PPP4R4: variants seen among roughly 807,000 people sequenced by gnomAD.
The protein encoded by PPP4R4 is serine/threonine-protein phosphatase 4 regulatory subunit 4.
In PPP4R4, 70 loss-of-function variants were observed where a neutral mutation model predicts 121.8. The ratio of observed to expected loss-of-function variants is 0.57; its 90% CI spans 0.47 to 0.70. The LOEUF (loss-of-function observed/expected upper bound fraction) is 0.70. Ranked by LOEUF, PPP4R4 falls within the 30% of genes least tolerant of loss-of-function variation. PPP4R4 has a pLI of 0.00. For synonymous variants in PPP4R4, 348 were observed against 355.7 expected, an observed-to-expected ratio of 0.98 and a Z score of 0.24; for missense variants, 875 against 1,033.6, an observed-to-expected ratio of 0.85 and a Z score of 2.10.
At chr14:94,252,044 G>T in intron 16 of PPP4R4, 148 bp downstream of exon 16, 1 of 624,468 alleles carries the variant, frequency 1.6e-6, no homozygotes, top group Admixed American at 3.7e-5. Context: ...ATAATTGATG[G>T]GCATCAGTAA....
chr14:94,252,230 A>G (rs557269449), intron 16 of PPP4R4, among the ~76,000 whole-genome samples: 2 of 152,290 alleles, frequency 1.3e-5, no homozygotes, highest in East Asian at 1.9e-4. Flanking sequence ...TAAAGAAAAG[A>G]CGGTCAGTAG....
intron 16 of PPP4R4, among the ~76,000 whole-genome samples, chr14:94,254,163 C>T (rs1893338756): frequency 6.6e-6 from 1 of 152,114 alleles, no homozygotes; most frequent in South Asian, 2.1e-4. Context: ...CTCATGGGCC[C>T]AGGAGTCTCA....
chr14:94,203,549 A>G (rs1250183091), intron 2 of PPP4R4, among the ~76,000 whole-genome samples: 2 of 152,134 alleles, frequency 1.3e-5, no homozygotes, highest in Non-Finnish European at 2.9e-5. Context: ...GTGAACAGAA[A>G]TTTTTATTTC....
rs142553082 is a variant in PPP4R4 at position 94,203,038 on chromosome 14, A to T, written c.192-5426A>T. Among the ~76,000 whole-genome samples the T allele has an allele frequency of 1.5e-3, 223 of 152,332 alleles. 1 individual carries two copies. Among genetic ancestry groups the T allele is most frequent in the African/African-American group, 5.2e-3 (216 of 41,576 alleles). The stretch of plus-strand genomic sequence containing the variant: ...AACTATAGATTCACATACAGTTGTA[A>T]GAAATAATACAGAAATACCCATGTT... On this transcript the variant is annotated intron_variant, in intron 2 of 24. Transcript: ENST00000304338.
chr14:94,244,539 G>A (rs1434626942), intron 11 of PPP4R4, 96 bp from the exon 12 acceptor site: 1 of 1,004,530 alleles, frequency 1.0e-6, no homozygotes, highest in Admixed American at 3.4e-5. Context: ...TATTTTAGAA[G>A]AAATATATAA....
At chr14:94,272,529 A>G (rs1188523450) in intron 23 of PPP4R4, among the ~76,000 whole-genome samples, 1 of 152,196 alleles carries the variant, frequency 6.6e-6, no homozygotes, top group Non-Finnish European at 1.5e-5. Context: ...TTCTAAATGT[A>G]AAATGCAAAA....
At chr14:94,244,514 G>A in intron 11 of PPP4R4, 121 bp from the exon 12 acceptor site, 3 of 804,594 alleles carry the variant, frequency 3.7e-6, no homozygotes, top group Non-Finnish European at 5.3e-6. Flanking sequence ...TTATATTTGT[G>A]TTATAACATG....
intron 3 of PPP4R4, among the ~76,000 whole-genome samples, chr14:94,222,859 C>G (rs929706919): frequency 6.6e-6 from 1 of 152,058 alleles, no homozygotes; most frequent in Admixed American, 6.5e-5. Context: ...TCTCCTCCTT[C>G]TAAGACTCCA....
chr14:94,189,405 C>G (rs1241809230), intron 2 of PPP4R4, among the ~76,000 whole-genome samples: 1 of 152,172 alleles, frequency 6.6e-6, no homozygotes, highest in African/African-American at 2.4e-5. Context: ...TTTGGATTGA[C>G]TGATGAGTTT....
At chr14:94,260,461 C>A (rs1038058206) in intron 19 of PPP4R4, among the ~76,000 whole-genome samples, 1 of 151,950 alleles carries the variant, frequency 6.6e-6, no homozygotes, top group Non-Finnish European at 1.5e-5. Flanking sequence ...AACCTGCTTT[C>A]AAGTGGTTGT....
chr14:94,274,310 G>T (rs182727247), intron 23 of PPP4R4, among the ~76,000 whole-genome samples: 3 of 151,866 alleles, frequency 2.0e-5, no homozygotes, highest in Non-Finnish European at 4.4e-5. Flanking sequence ...AAATTAAAGC[G>T]TCTGGGCTTT....
At chr14:94,226,495 A>G (rs1891709595) in intron 3 of PPP4R4, among the ~76,000 whole-genome samples, 1 of 152,138 alleles carries the variant, frequency 6.6e-6, no homozygotes, top group Admixed American at 6.5e-5. Context: ...GAATGTGGCA[A>G]TCAGGGATAG....
intron 23 of PPP4R4, among the ~76,000 whole-genome samples, chr14:94,269,279 A>G (rs1023460080): frequency 6.6e-6 from 1 of 152,190 alleles, no homozygotes; most frequent in African/African-American, 2.4e-5. Context: ...TTCCATTCAC[A>G]GTACCGGTCA....
chr14:94,231,712 AT>A (rs1205476848), intron 5 of PPP4R4, among the ~76,000 whole-genome samples: 2 of 152,124 alleles, frequency 1.3e-5, no homozygotes, highest in Non-Finnish European at 2.9e-5. Context: ...TCAGGCTTAT[AT>A]TTTACTATTG....
rs776073531 is a variant in PPP4R4, at chr14:94,264,960, T to A, written c.2197+13T>A. ...TTTGAAAAGAAACGTAAGTAGTTTTTCTATGTCTTCAACACTTAATTACAT... is the reference window on the plus strand; with the variant it reads ...TTTGAAAAGAAACGTAAGTAGTTTTACTATGTCTTCAACACTTAATTACAT... On this transcript the variant is annotated intron_variant, in intron 20 of 24. Transcript: ENST00000304338. The A allele has an allele frequency of 3.9e-6, 6 of 1,552,422 alleles. No individual in the cohort carries two copies. The East Asian group carries it at 1.1e-4, about 29-fold the overall frequency.
chr14:94,261,099 A>G (rs960732721), intron 19 of PPP4R4, among the ~76,000 whole-genome samples: 1 of 152,070 alleles, frequency 6.6e-6, no homozygotes, highest in Non-Finnish European at 1.5e-5. Context: ...TTGTACACAT[A>G]TGTGTCTATT....
At position 94,212,065 on chromosome 14, in the gene PPP4R4, A is replaced by G. The variant is rs1030797361; in HGVS notation, c.294+3499A>G. 3.3e-5 allele frequency among the ~76,000 whole-genome samples: 5 copies of G among 152,350 alleles called. No homozygotes were observed. The East Asian group carries it at 9.6e-4, about 29-fold the overall frequency. On this transcript the variant is annotated intron_variant, in intron 3 of 24. Coordinates refer to ENST00000304338, the MANE Select transcript of PPP4R4 (RefSeq NM_058237.2). ...TAATCAATACCAAGATTTTTACCACATTTATAACAGTGGTGTGTGCAGCTT... is the reference window on the plus strand; with the variant it reads ...TAATCAATACCAAGATTTTTACCACGTTTATAACAGTGGTGTGTGCAGCTT...
chr14:94,185,886 T>A (rs556453956), intron 2 of PPP4R4, among the ~76,000 whole-genome samples: 18 of 152,284 alleles, frequency 1.2e-4, no homozygotes, highest in African/African-American at 4.3e-4. Context: ...CCTGTGTAAC[T>A]AGCACAAAAT....
chr14:94,245,966 G>C (rs1184728471), intron 13 of PPP4R4, among the ~76,000 whole-genome samples: 1 of 152,028 alleles, frequency 6.6e-6, no homozygotes, highest in Non-Finnish European at 1.5e-5. Context: ...AGGACAAAAG[G>C]GTAGAAATTT....
Sources: allele counts gnomAD v4.1 joint callset (sites outside exome capture counted in the v4.1 genomes callset), GRCh38; gene constraint gnomAD v4.1.1; transcripts MANE v1.5; gene names NCBI Gene and HGNC (gene_info 2026-07-23, HGNC 2026-07-21).